Variants in ROBO2 observed in about 807,000 individuals in gnomAD.
ROBO2 encodes roundabout guidance receptor 2.
A neutral mutation model predicts 160.8 loss-of-function variants in ROBO2; 53 were observed. The ratio of observed to expected loss-of-function variants is 0.33; its 90% CI spans 0.26 to 0.41. The LOEUF is 0.41. Ranked by LOEUF, ROBO2 falls within the 10% of genes least tolerant of loss-of-function variation. ROBO2 has a pLI of 1.00. For missense variants in ROBO2, 1,577 were observed against 1,722.4 expected (o/e 0.92, Z 1.49); for synonymous variants, 664 against 611.7 (o/e 1.09, Z -1.26).
At chr3:75,950,567 A>C (rs1474645870) in intron 2 of ROBO2, among the ~76,000 whole-genome samples, 1 of 95,892 alleles carries the variant, frequency 1.0e-5, no homozygotes, top group Non-Finnish European at 2.2e-5. Context: ...CTTAATATTG[A>C]AATGTTTAGA....
intron 2 of ROBO2, among the ~76,000 whole-genome samples, chr3:76,027,237 A>T (rs2066776811): frequency 6.6e-6 from 1 of 151,906 alleles, no homozygotes; most frequent in South Asian, 2.1e-4. Context: ...AGGTAAGTAT[A>T]ACTCAATTAA....
chr3:76,849,253 T>C (rs1250336383), intron 2 of ROBO2, among the ~76,000 whole-genome samples: 1 of 152,196 alleles, frequency 6.6e-6, no homozygotes, highest in Non-Finnish European at 1.5e-5. Flanking sequence ...GCATCATCTC[T>C]AATACACTTA....
intron 2 of ROBO2, among the ~76,000 whole-genome samples, chr3:76,520,279 C>T (rs752805090): frequency 1.3e-5 from 2 of 152,026 alleles, no homozygotes; most frequent in African/African-American, 2.4e-5. Context: ...GGTGAAACCC[C>T]GTCTCTACTA....
rs564186676 is a variant in ROBO2, at chr3:76,059,073, A to T, written c.109+121471A>T. On this transcript the variant is annotated intron_variant, in intron 2 of 26. Transcript: ENST00000487694. ...ATTGTTGGACATTTGGGTTGGTTCC[A>T]AGTCTTTGCTATTGTGAATAGTGCC... Among the ~76,000 whole-genome samples, 7 of 151,104 alleles carry T rather than the reference A, an allele frequency of 4.6e-5. No individual in the cohort carries two copies. The South Asian group carries it at 1.5e-3, about 32-fold the overall frequency.
At chr3:77,579,861 TA>T in intron 15 of ROBO2, 85 bp from the exon 17 acceptor site, 2 of 1,248,248 alleles carry the variant, frequency 1.6e-6, no homozygotes, top group Non-Finnish European at 1.2e-6. Context: ...AGGTTATGAT[TA>T]AAAAATATTT....
intron 2 of ROBO2, among the ~76,000 whole-genome samples, chr3:76,634,809 CGCAGCAGGAGGTGA>C (rs758959297): frequency 2.7e-4 from 41 of 152,308 alleles, no homozygotes; most frequent in Non-Finnish European, 5.1e-4. Context: ...AACCTGGCCA[CGCAGCAGGAGGTGA>C]GCAGCAGGAG....
At chr3:77,507,722 G>A (rs2088768657) in intron 5 of ROBO2, among the ~76,000 whole-genome samples, 1 of 152,098 alleles carries the variant, frequency 6.6e-6, no homozygotes, top group Non-Finnish European at 1.5e-5. Context: ...ATTTCTAAAT[G>A]AAAGGATAAC....
At chr3:75,916,259 CTTTT>C (rs1306262905) in intron 1 of ROBO2, among the ~76,000 whole-genome samples, 1 of 152,116 alleles carries the variant, frequency 6.6e-6, no homozygotes, top group Non-Finnish European at 1.5e-5. Flanking sequence ...AAACTAATAG[CTTTT>C]TTCTTTCACC....
chr3:76,324,987 C>T (rs2072887723), intron 2 of ROBO2, among the ~76,000 whole-genome samples: 1 of 152,096 alleles, frequency 6.6e-6, no homozygotes. Context: ...CGCCTGTAGC[C>T]CCAGCTACTC....
At chr3:76,338,270 A>G (rs1447057394) in intron 2 of ROBO2, among the ~76,000 whole-genome samples, 1 of 152,136 alleles carries the variant, frequency 6.6e-6, no homozygotes, top group Non-Finnish European at 1.5e-5. Flanking sequence ...TGACCTGAAT[A>G]TCTTTCTATA....
At chr3:76,339,874 C>A (rs1415362394) in intron 2 of ROBO2, among the ~76,000 whole-genome samples, 1 of 151,982 alleles carries the variant, frequency 6.6e-6, no homozygotes, top group African/African-American at 2.4e-5. Context: ...GTGTCTGTAA[C>A]ACAAATATTA....
intron 2 of ROBO2, among the ~76,000 whole-genome samples, chr3:76,002,880 A>G (rs2065926704): frequency 6.6e-6 from 1 of 152,112 alleles, no homozygotes; most frequent in Admixed American, 6.5e-5. Flanking sequence ...GAACTCTGAG[A>G]CAGTACACTT....
At chr3:76,849,796 T>C (rs1189864279) in intron 2 of ROBO2, among the ~76,000 whole-genome samples, 1 of 152,216 alleles carries the variant, frequency 6.6e-6, no homozygotes, top group Non-Finnish European at 1.5e-5. Flanking sequence ...AAAAATATTA[T>C]GTTTTTCCTT....
At chr3:77,455,652 G>C (rs924885944) in intron 2 of ROBO2, among the ~76,000 whole-genome samples, 1 of 151,708 alleles carries the variant, frequency 6.6e-6, no homozygotes, top group Non-Finnish European at 1.5e-5. Context: ...GGATGGTCTC[G>C]ATCTCCTGAC....
intron 2 of ROBO2, among the ~76,000 whole-genome samples, chr3:76,965,811 T>TATATATATATATATA (rs2059255670): frequency 1.1e-5 from 1 of 94,728 alleles, no homozygotes; most frequent in African/African-American, 5.4e-5. Context: ...ATATATATAT[T>TATATATATATATATA]TCTTTAATAT....
chr3:76,608,864 A>G (rs2087860930), intron 2 of ROBO2, among the ~76,000 whole-genome samples: 1 of 152,070 alleles, frequency 6.6e-6, no homozygotes, highest in Admixed American at 6.6e-5. Flanking sequence ...TGATTAGTGC[A>G]CCCACCAACT....
At chr3:77,288,417 T>G (rs999652877) in intron 2 of ROBO2, among the ~76,000 whole-genome samples, 2 of 152,344 alleles carry the variant, frequency 1.3e-5, no homozygotes, top group Admixed American at 1.3e-4. Flanking sequence ...TTCTGACTGT[T>G]TTTCTGGACA....
chr3:76,049,403 A>ATATATATATATATTTTTTTT (rs1414664360), intron 2 of ROBO2, among the ~76,000 whole-genome samples: 1 of 53,752 alleles, frequency 1.9e-5, no homozygotes, highest in African/African-American at 1.5e-4. Context: ...ATATATATAT[A>ATATATATATATATTTTTTTT]TTTTTTTTTT....
intron 2 of ROBO2, among the ~76,000 whole-genome samples, chr3:75,960,657 G>A (rs1948877403): frequency 6.6e-6 from 1 of 151,876 alleles, no homozygotes; most frequent in South Asian, 2.1e-4. Context: ...AAAAAGAATT[G>A]TGCATGATCA....
Sources: gnomAD v4.1 joint callset for allele counts (sites outside exome capture counted in the v4.1 genomes callset) on GRCh38, gnomAD v4.1.1 for gene constraint, MANE v1.5 for transcripts, NCBI Gene and HGNC (gene_info 2026-07-23, HGNC 2026-07-21) for gene names.